Variants in ABCA9 observed in about 807,000 individuals in gnomAD.
ABCA9 encodes the protein ATP binding cassette subfamily A member 9.
In ABCA9, 183 loss-of-function variants were observed where a neutral mutation model predicts 205.3. That is an observed-to-expected ratio of 0.89 (90% CI 0.79 to 1.01). The LOEUF (loss-of-function observed/expected upper bound fraction) is 1.01, where lower values mean the gene tolerates loss of function less well. ABCA9 is among the 50% of genes least tolerant of loss of function. The probability of loss-of-function intolerance (pLI) is 0.00; values close to 1 mark genes in which losing one functional copy is unlikely to be tolerated. For missense variants in ABCA9, 1,805 were observed against 1,912.4 expected (o/e 0.94, Z 1.05); for synonymous variants, 651 against 683.3 (o/e 0.95, Z 0.74).
rs766954646 is a variant in ABCA9 at position 69,026,994 on chromosome 17, C to T, written c.2032G>A (p.Glu678Lys). 3.1e-6 allele frequency: 5 copies of T among 1,613,928 alleles called. No individual in the cohort carries two copies. Among genetic ancestry groups the T allele is most frequent in the Non-Finnish European group, 3.4e-6 (4 of 1,179,966 alleles). ...AAATTACCCGCCAGAATGTCAGCCT[C>T]ATCTATAAACTGGGTGCTGAAGAGA... The part of the protein sequence containing the change: ...VILFSTQFID[E>K]ADILADRKVF... Residue 678 changes from glutamate to lysine, a missense_variant, in exon 15 of 39, where the codon GAG becomes AAG. By Grantham distance (56) the Glu-to-Lys change is moderately conservative. Coordinates refer to ENST00000340001, the MANE Select transcript of ABCA9 (RefSeq NM_080283.4).
rs1281441866 is a variant in ABCA9 at position 69,049,351 on chromosome 17, G to T, written c.236C>A (p.Ala79Glu). 6.2e-7 allele frequency: 1 copy of T among 1,613,220 alleles called. No individual in the cohort carries two copies. The highest frequency in any genetic ancestry group is 2.2e-5 in the East Asian group (1 of 44,786). ...DSFNDTNYVIAFAPESKTTQE... is the reference protein window; with the variant it reads ...DSFNDTNYVIEFAPESKTTQE... ...GGTAGTTTTGGATTCAGGTGCAAAT[G>T]CAATAACATAATTAGTATCATTAAA... The change falls in exon 3 of 39, where the codon GCA (alanine) becomes GAA (glutamate). Residue 79 changes from alanine to glutamate, a missense_variant. Ala to Glu is a moderately radical substitution (Grantham distance 107). Transcript: ENST00000340001.
rs368308047 is a variant in ABCA9 at position 68,983,741 on chromosome 17, C to T, written c.4608G>A (p.Leu1536=). ...GCTGAGCAGCCTGGGGGAAAAGCCTCAGGATCTCTGCATGGAGGGGCTCCA... is the reference window on the plus strand; with the variant it reads ...GCTGAGCAGCCTGGGGGAAAAGCCTTAGGATCTCTGCATGGAGGGGCTCCA... ...AQMEPLHAEI[L]RLFPQAAQQE... The change falls in exon 36 of 39, where the codon CTG becomes CTA. Residue 1536 remains leucine (L), a synonymous_variant. Coordinates refer to ENST00000340001, the MANE Select transcript of ABCA9 (RefSeq NM_080283.4). 378 of 1,614,094 alleles carry T rather than the reference C, an allele frequency of 2.3e-4. No homozygotes were observed. The highest frequency in any genetic ancestry group is 3.0e-4 in the Non-Finnish European group (353 of 1,180,038).
chr17:69,040,980 T>C (rs2071516985), intron 6 of ABCA9, among the ~76,000 whole-genome samples: 1 of 151,122 alleles, frequency 6.6e-6, no homozygotes, highest in Non-Finnish European at 1.5e-5. Context: ...TTTCTCCTGC[T>C]ACATTGTAAC....
chr17:69,065,801 C>T (rs1428861906), upstream of ABCA9, among the ~76,000 whole-genome samples: 3 of 152,146 alleles, frequency 2.0e-5, no homozygotes, highest in South Asian at 2.1e-4. Context: ...CCCCATGTGT[C>T]GTGGGAGGGA....
the ABCA9 span, among the ~76,000 whole-genome samples, chr17:69,077,497 G>A: frequency 6.6e-6 from 1 of 152,188 alleles, no homozygotes; most frequent in African/African-American, 2.4e-5. Flanking sequence ...TCAGTGAAGT[G>A]TTCTATAGAT....
chr17:69,059,497 C>T (rs1202320359), intron 1 of ABCA9, among the ~76,000 whole-genome samples: 1 of 151,816 alleles, frequency 6.6e-6, no homozygotes, highest in Non-Finnish European at 1.5e-5. Context: ...ATGCAAGAAA[C>T]CTCTAGAAGC....
In ABCA9 at chr17:69,040,821, A is replaced by G. The variant is rs555438517; in HGVS notation, c.800+2668T>C. On this transcript the variant is annotated intron_variant, in intron 6 of 38. Coordinates refer to ENST00000340001, the MANE Select transcript of ABCA9 (RefSeq NM_080283.4). ...TAATTAGATATAGATACACATTTAT[A>G]CATACCCACAGGACACAGATAGATA... is the stretch of plus-strand genomic sequence containing the variant. Among the ~76,000 whole-genome samples the G allele has an allele frequency of 9.9e-5, 15 of 152,152 alleles. No individual in the cohort carries two copies. The South Asian group carries it at 2.9e-3, about 29-fold the overall frequency.
the ABCA9 span, among the ~76,000 whole-genome samples, chr17:69,066,463 AG>A: frequency 6.6e-6 from 1 of 152,096 alleles, no homozygotes; most frequent in Non-Finnish European, 1.5e-5. Context: ...TGTCAAGAAA[AG>A]GTTGTTATTT....
chr17:68,993,879 T>C (rs928176486), intron 26 of ABCA9, among the ~76,000 whole-genome samples: 1 of 151,986 alleles, frequency 6.6e-6, no homozygotes, highest in African/African-American at 2.4e-5. Flanking sequence ...CTGCTGATAC[T>C]ATATTTTTTT....
intron 22 of ABCA9, among the ~76,000 whole-genome samples, chr17:69,012,862 T>G (rs534883109): frequency 2.0e-4 from 30 of 152,294 alleles, no homozygotes; most frequent in African/African-American, 7.0e-4. Flanking sequence ...TTGTACCTAT[T>G]AACCATTCCC....
chr17:68,975,822 T>A lies in ABCA9; in HGVS notation c.*93A>T. 5.2e-6 allele frequency: 5 copies of A among 958,996 alleles called. No individual in the cohort carries two copies. Among genetic ancestry groups the A allele is most frequent in the Non-Finnish European group, 7.9e-6 (5 of 629,196 alleles). The allele number at this position is 958,996 out of a possible 1,614,324, so 59.4% of individuals were successfully genotyped here. On this transcript the variant is annotated 3_prime_UTR_variant, in exon 39 of 39. Transcript: ENST00000340001. ...TATTGCATGAGTTTCAAATGCATTTTGTACCACCTCTGATATAAGGCATAT... is the reference window on the plus strand; with the variant it reads ...TATTGCATGAGTTTCAAATGCATTTAGTACCACCTCTGATATAAGGCATAT...
At chr17:69,065,757 G>A (rs11868097), upstream of ABCA9, among the ~76,000 whole-genome samples, 50,414 of 151,872 alleles carry the variant, frequency 0.33, 8,528 homozygotes, top group East Asian at 0.55. Flanking sequence ...GTGTCCCCCC[G>A]GCAAATCTCG....
upstream of ABCA9, among the ~76,000 whole-genome samples, chr17:69,065,769 CTTAAA>C (rs2072342192): frequency 6.6e-6 from 1 of 152,166 alleles, no homozygotes; most frequent in African/African-American, 2.4e-5. Flanking sequence ...CAAATCTCGT[CTTAAA>C]TTATAGTTCC....
At chr17:68,985,258 C>A (rs930442532) in intron 32 of ABCA9, 130 bp from the exon 33 acceptor site, 1 of 1,116,956 alleles carries the variant, frequency 9.0e-7, no homozygotes, top group East Asian at 2.5e-5. Flanking sequence ...AAAATTTAAA[C>A]CACCTAGGTA....
At chr17:69,018,131 T>C (rs937103704) in intron 20 of ABCA9, 2 of 368,610 alleles carry the variant, frequency 5.4e-6, no homozygotes, top group African/African-American at 2.1e-5. Context: ...ATTTACAAAA[T>C]GATACACAAA....
chr17:69,038,876 A>T (rs909469149), intron 6 of ABCA9, among the ~76,000 whole-genome samples: 1 of 152,216 alleles, frequency 6.6e-6, no homozygotes, highest in Non-Finnish European at 1.5e-5. Flanking sequence ...AAGTCTCAGG[A>T]TACAAAATCA....
At chr17:68,988,808 CT>C (rs938420412) in intron 31 of ABCA9, among the ~76,000 whole-genome samples, 2 of 152,134 alleles carry the variant, frequency 1.3e-5, no homozygotes, top group African/African-American at 4.8e-5. Flanking sequence ...CTTTTAAAAT[CT>C]TTATTTTTCA....
At chr17:69,078,455 C>T in the ABCA9 span, among the ~76,000 whole-genome samples, 1 of 152,160 alleles carries the variant, frequency 6.6e-6, no homozygotes, top group Non-Finnish European at 1.5e-5. Context: ...CCTCGGCCTC[C>T]CAAAGTGCTG....
chr17:68,982,031 G>T lies in ABCA9; in HGVS notation c.4720+531C>A, dbSNP rs114653993. On this transcript the variant is annotated intron_variant, in intron 37 of 38. Coordinates refer to ENST00000340001, the MANE Select transcript of ABCA9 (RefSeq NM_080283.4). The stretch of plus-strand genomic sequence containing the variant: ...AGTATGCAAAGACCAAAATCCAAGG[G>T]CCTAAAATGACTTACAGATTAACAC... Among the ~76,000 whole-genome samples the T allele has an allele frequency of 7.8e-3, 1,182 of 152,080 alleles. 11 individuals carry two copies. The highest frequency in any genetic ancestry group is 0.027 in the African/African-American group (1,103 of 41,468).
Sources: allele counts gnomAD v4.1 joint callset (sites outside exome capture counted in the v4.1 genomes callset), GRCh38; gene constraint gnomAD v4.1.1; transcripts MANE v1.5; gene names NCBI Gene and HGNC (gene_info 2026-07-23, HGNC 2026-07-21).